The following TMC1 variants were observed in gnomAD, a reference collection of about 807,000 sequenced individuals.
TMC1 encodes the protein transmembrane channel like 1, also known as transmembrane channel-like protein 1.
In TMC1, 84 loss-of-function variants were observed where a neutral mutation model predicts 105.8. The observed-to-expected ratio is 0.79, with a 90% CI of 0.67 to 0.95. The LOEUF (loss-of-function observed/expected upper bound fraction) is 0.95. TMC1 is among the 40% of genes least tolerant of loss of function. The pLI is 0.00. For synonymous variants in TMC1, 315 were observed against 311.5 expected, an observed-to-expected ratio of 1.01 and a Z score of -0.12; for missense variants, 817 against 914.1, an observed-to-expected ratio of 0.89 and a Z score of 1.37.
intron 5 of TMC1, among the ~76,000 whole-genome samples, chr9:72,650,872 T>TTTTATATA (rs1825793715): frequency 5.0e-5 from 6 of 119,868 alleles, no homozygotes; most frequent in East Asian, 2.1e-4. Flanking sequence ...ATGGTGTATT[T>TTTTATATA]TATATATATA....
rs201537708 is a variant in TMC1, at chr9:72,593,712, T to TA, written c.-306+15689_-306+15690insA. ...CAGCCCCAAGACCCCCATTTCTATT[T>TA]TAAAAAAAAAAAAGAAGAAGAAGAA... On this transcript the variant is annotated intron_variant, in intron 2 of 23. Coordinates refer to ENST00000297784, the MANE Select transcript of TMC1 (RefSeq NM_138691.3). Among the ~76,000 whole-genome samples the TA allele has an allele frequency of 6.3e-3, 939 of 149,614 alleles. 6 individuals are homozygous for TA. The highest frequency in any genetic ancestry group is 9.2e-3 in the African/African-American group (373 of 40,570).
chr9:72,730,861 A>G (rs1827200006), intron 8 of TMC1, among the ~76,000 whole-genome samples: 1 of 152,208 alleles, frequency 6.6e-6, no homozygotes, highest in South Asian at 2.1e-4. Flanking sequence ...TCGCATGTGC[A>G]GTTCACAATA....
At chr9:72,556,884 A>C (rs1823950688) in intron 1 of TMC1, among the ~76,000 whole-genome samples, 3 of 152,004 alleles carry the variant, frequency 2.0e-5, no homozygotes. Context: ...TTTCACCTCC[A>C]AGGGGACATT....
At chr9:72,791,403 C>CA (rs1828264533) in intron 15 of TMC1, among the ~76,000 whole-genome samples, 2 of 152,248 alleles carry the variant, frequency 1.3e-5, no homozygotes, top group African/African-American at 4.8e-5. Context: ...TGCCAAAATT[C>CA]AATATTTAGG....
intron 1 of TMC1, among the ~76,000 whole-genome samples, chr9:72,570,264 T>TGTGTGTGTGG (rs1824253389): frequency 2.1e-5 from 3 of 145,812 alleles, no homozygotes; most frequent in African/African-American, 5.2e-5. Flanking sequence ...TGTGTGTGTG[T>TGTGTGTGTGG]GGTAAATACT....
intron 8 of TMC1, among the ~76,000 whole-genome samples, chr9:72,732,565 C>CA (rs57237757): frequency 0.13 from 11,071 of 87,882 alleles, 493 homozygotes; most frequent in Non-Finnish European, 0.15. Context: ...GTCTCTGTCT[C>CA]AAAAAAAAAA....
At chr9:72,708,994 G>T (rs1405699390) in intron 8 of TMC1, among the ~76,000 whole-genome samples, 1 of 141,584 alleles carries the variant, frequency 7.1e-6, no homozygotes, top group Admixed American at 7.2e-5. Flanking sequence ...TGCTTTTTCT[G>T]TGTCTATTTT....
Position 72,742,493 on chromosome 9 carries a change from T to A in TMC1, c.503T>A (p.Val168Asp), listed in dbSNP as rs1827406935. The A allele has an allele frequency of 3.7e-6, 6 of 1,614,134 alleles. No individual in the cohort carries two copies. Among genetic ancestry groups the A allele is most frequent in the Non-Finnish European group, 4.2e-6 (5 of 1,180,002 alleles). The change falls in exon 10 of 24, where the codon GTC (valine) becomes GAC (aspartate). Residue 168 changes from valine to aspartate, a missense_variant. Physicochemically the swap from Val to Asp is radical, Grantham distance 152. Transcript: ENST00000297784. ...RDFENFKAAC[V>D]PWENKIKAIE... ...TTTGAGAACTTCAAAGCTGCGTGTG[T>A]CCCATGGGAAAATAAAATCAAGGCT... is the stretch of plus-strand genomic sequence containing the variant.
intron 17 of TMC1, among the ~76,000 whole-genome samples, chr9:72,801,138 A>G (rs943798550): frequency 7.9e-5 from 12 of 152,110 alleles, no homozygotes; most frequent in African/African-American, 2.9e-4. Flanking sequence ...ATTGTTTTGA[A>G]TATAGGATAA....
chr9:72,688,749 A>T lies in TMC1; in HGVS notation c.57A>T (p.Glu19Asp), dbSNP rs1588032894. The change falls in exon 6 of 24, where the codon GAA becomes GAT. Residue 19 changes from glutamate to aspartate, a missense_variant. Physicochemically the swap from Glu to Asp is conservative, Grantham distance 45. Transcript: ENST00000297784. ...KVEEKEDETE[E>D]SSSEEEEEVE... Reference sequence around the variant, plus strand: ...AGGAAAAAGAAGACGAGACTGAGGAAAGCTCAAGTAAGTGGTGATGGGCCA... The same window carrying T: ...AGGAAAAAGAAGACGAGACTGAGGATAGCTCAAGTAAGTGGTGATGGGCCA... 1 of 1,611,634 alleles carries T rather than the reference A, an allele frequency of 6.2e-7. No individual in the cohort carries two copies. Among genetic ancestry groups the T allele is most frequent in the Non-Finnish European group, 8.5e-7 (1 of 1,178,420 alleles).
In TMC1 at chr9:72,814,516, A is replaced by G. The variant is rs190806144; in HGVS notation, c.1696-1627A>G. Reference sequence around the variant, plus strand: ...CGAAACACTTTGTAGCTGTCCTTCAACAGTATCTAGAGTGATACTGCAGTT... The same window carrying G: ...CGAAACACTTTGTAGCTGTCCTTCAGCAGTATCTAGAGTGATACTGCAGTT... On this transcript the variant is annotated intron_variant, in intron 18 of 23. Coordinates refer to ENST00000297784, the MANE Select transcript of TMC1 (RefSeq NM_138691.3). Among the ~76,000 whole-genome samples, 56 of 152,310 alleles carry G rather than the reference A, an allele frequency of 3.7e-4. 1 individual carries two copies. In the East Asian group the frequency reaches 0.01, roughly 27 times the overall value.
chr9:72,811,264 A>G (rs1446610992), intron 18 of TMC1, among the ~76,000 whole-genome samples: 1 of 152,180 alleles, frequency 6.6e-6, no homozygotes, highest in Non-Finnish European at 1.5e-5. Context: ...CAAGACACAA[A>G]TTTATGGTCA....
intron 12 of TMC1, among the ~76,000 whole-genome samples, chr9:72,755,437 A>C (rs1169336197): frequency 6.6e-6 from 1 of 152,208 alleles, no homozygotes; most frequent in Non-Finnish European, 1.5e-5. Context: ...TTGAAAACTA[A>C]GAAATACTAA....
intron 12 of TMC1, among the ~76,000 whole-genome samples, chr9:72,758,719 G>A (rs577028134): frequency 2.4e-4 from 37 of 152,156 alleles, no homozygotes; most frequent in Middle Eastern, 3.2e-3. Flanking sequence ...CCAAGCTCAA[G>A]GACCTGTATG....
chr9:72,722,073 T>A (rs952660721), intron 8 of TMC1, among the ~76,000 whole-genome samples: 1 of 152,220 alleles, frequency 6.6e-6, no homozygotes, highest in Non-Finnish European at 1.5e-5. Flanking sequence ...CAAATGTTTT[T>A]GAGTGTCTCC....
intron 8 of TMC1, among the ~76,000 whole-genome samples, chr9:72,717,873 T>G (rs1826948251): frequency 6.6e-6 from 1 of 152,202 alleles, no homozygotes; most frequent in Admixed American, 6.5e-5. Flanking sequence ...TCCTCTATTA[T>G]TCCCCCAAAT....
At position 72,637,891 on chromosome 9, in the gene TMC1, G is replaced by C. The variant is rs190743238; in HGVS notation, c.-53+9828G>C. 4.6e-5 allele frequency among the ~76,000 whole-genome samples: 7 copies of C among 152,352 alleles called. No individual in the cohort carries two copies. In the East Asian group the frequency reaches 1.3e-3, roughly 29 times the overall value. ...TTCCAGTAATAAGGAATCATGGATT[G>C]TGGCAGTCTTTTTAAAACATAAACT... On this transcript the variant is annotated intron_variant, in intron 4 of 23. Coordinates refer to ENST00000297784, the MANE Select transcript of TMC1 (RefSeq NM_138691.3).
chr9:72,685,149 C>G (rs1297390145), intron 5 of TMC1, among the ~76,000 whole-genome samples: 1 of 140,138 alleles, frequency 7.1e-6, no homozygotes, highest in Non-Finnish European at 1.5e-5. Context: ...CTCTTTCGCC[C>G]AGGCCAGAGT....
At chr9:72,738,898 T>G (rs920273444) in intron 8 of TMC1, among the ~76,000 whole-genome samples, 13 of 152,128 alleles carry the variant, frequency 8.5e-5, no homozygotes, top group Non-Finnish European at 1.5e-4. Flanking sequence ...CAGAGGCTAC[T>G]CCATCACTTA....
Sources: allele counts gnomAD v4.1 joint callset (sites outside exome capture counted in the v4.1 genomes callset), GRCh38; gene constraint gnomAD v4.1.1; transcripts MANE v1.5; gene names NCBI Gene and HGNC (gene_info 2026-07-23, HGNC 2026-07-21).